ERC1: variants seen among roughly 807,000 people sequenced by gnomAD.
ERC1 encodes ELKS/RAB6-interacting/CAST family member 1.
A neutral mutation model predicts 132.0 loss-of-function variants in ERC1; 56 were observed. The observed-to-expected ratio is 0.42, with a 90% CI of 0.34 to 0.53. The LOEUF (loss-of-function observed/expected upper bound fraction) is 0.53. Ranked by LOEUF, ERC1 falls within the 20% of genes least tolerant of loss-of-function variation. The pLI, the probability that ERC1 is intolerant of heterozygous loss-of-function variation, is 0.03. For synonymous variants in ERC1, 478 were observed against 476.1 expected (o/e 1.00, Z -0.05); for missense variants, 1,202 against 1,349.9 (o/e 0.89, Z 1.72).
At position 1,326,662 on chromosome 12, in the gene ERC1, T is replaced by G. The variant is rs571733837; in HGVS notation, c.2780+36650T>G. Among the ~76,000 whole-genome samples the G allele has an allele frequency of 2.0e-5, 3 of 151,990 alleles. No homozygotes were observed. The South Asian group carries it at 6.2e-4, about 32-fold the overall frequency. ...CCCTTGAGTTTTTGAAAGAAATTGC[T>G]TGTAAGGGCAAATGTTTTAGGTTGA... On this transcript the variant is annotated intron_variant, in intron 15 of 18. Transcript: ENST00000360905.
intron 2 of ERC1, among the ~76,000 whole-genome samples, chr12:1,045,035 C>T (rs189560540): frequency 1.7e-4 from 26 of 152,244 alleles, no homozygotes; most frequent in Non-Finnish European, 3.4e-4. Flanking sequence ...AAACTCTCCA[C>T]AAATAATTTA....
intron 17 of ERC1, among the ~76,000 whole-genome samples, chr12:1,420,037 G>A (rs1018753636): frequency 6.6e-6 from 1 of 151,968 alleles, no homozygotes; most frequent in African/African-American, 2.4e-5. Flanking sequence ...CTTGGGAACC[G>A]GGCTTATTTG....
chr12:1,412,268 A>G (rs994787468), intron 17 of ERC1, among the ~76,000 whole-genome samples: 6 of 152,234 alleles, frequency 3.9e-5, no homozygotes, highest in South Asian at 2.1e-4. Flanking sequence ...AACTTTTGAA[A>G]TTGACGATTT....
intron 4 of ERC1, among the ~76,000 whole-genome samples, chr12:1,109,846 G>A (rs1310655156): frequency 5.9e-5 from 9 of 152,252 alleles, no homozygotes; most frequent in Non-Finnish European, 1.2e-4. Flanking sequence ...TCAGGAGTTC[G>A]AGACCAGCCT....
chr12:1,489,977 G>T, intron 18 of ERC1, 116 bp from the exon 19 acceptor site: 1 of 1,146,190 alleles, frequency 8.7e-7, no homozygotes, highest in Non-Finnish European at 1.2e-6. Context: ...GGTTAATTTT[G>T]ATGCAGAGAG....
In ERC1 at chr12:1,263,152, A is replaced by C. The variant is rs748391395; in HGVS notation, c.2606A>C (p.Asn869Thr). The change falls in exon 14 of 19, where the codon AAT becomes ACT. Residue 869 changes from asparagine (N) to threonine (T), a missense_variant. Transcript: ENST00000360905. ...VLAQEESART[N>T]AEKQVEELLM... ...GCACAAGAGGAATCAGCCAGGACCAATGCTGAAAAACAGGTCTGCTATTTT... is the reference window on the plus strand; with the variant it reads ...GCACAAGAGGAATCAGCCAGGACCACTGCTGAAAAACAGGTCTGCTATTTT... 3.7e-6 allele frequency: 6 copies of C among 1,613,992 alleles called. No individual in the cohort carries two copies. The highest frequency in any genetic ancestry group is 5.1e-6 in the Non-Finnish European group (6 of 1,179,958).
At chr12:1,021,376 T>C (rs1966338740) in intron 1 of ERC1, among the ~76,000 whole-genome samples, 1 of 152,004 alleles carries the variant, frequency 6.6e-6, no homozygotes, top group East Asian at 1.9e-4. Flanking sequence ...TGTCTTCCAT[T>C]GGGACAAAGA....
chr12:1,345,187 C>CTTCTTTTTTTTTTTTT (rs1555368776), intron 15 of ERC1, among the ~76,000 whole-genome samples: 1 of 131,492 alleles, frequency 7.6e-6, no homozygotes, highest in African/African-American at 3.0e-5. Flanking sequence ...AATATTTCTT[C>CTTCTTTTTTTTTTTTT]TTTTTTTTTT....
chr12:1,058,876 C>T (rs915279612), intron 2 of ERC1, among the ~76,000 whole-genome samples: 2 of 150,262 alleles, frequency 1.3e-5, no homozygotes, highest in African/African-American at 4.9e-5. Context: ...ACTGAAACCT[C>T]AAACTCTTGG....
chr12:1,342,473 A>AC (rs1429851865), intron 15 of ERC1, among the ~76,000 whole-genome samples: 1 of 151,726 alleles, frequency 6.6e-6, no homozygotes, highest in Non-Finnish European at 1.5e-5. Flanking sequence ...TGTCTCAAAA[A>AC]AAAAAAAAAC....
chr12:1,296,010 G>GAAAAAAAA (rs77971645), intron 15 of ERC1, among the ~76,000 whole-genome samples: 10 of 90,486 alleles, frequency 1.1e-4, no homozygotes, highest in South Asian at 3.6e-4. Flanking sequence ...TGGTTTAACA[G>GAAAAAAAA]AAAAAAAAAA....
At chr12:1,371,177 G>C (rs2087180308) in intron 15 of ERC1, among the ~76,000 whole-genome samples, 1 of 137,574 alleles carries the variant, frequency 7.3e-6, no homozygotes, top group Non-Finnish European at 1.5e-5. Context: ...TATGCCCACT[G>C]ATGGGAACTC....
chr12:1,212,517 G>A (rs73025621), intron 12 of ERC1, among the ~76,000 whole-genome samples: 11,575 of 152,136 alleles, frequency 0.076, 617 homozygotes, highest in African/African-American at 0.13. Context: ...TTGAGAGCAC[G>A]AACAATTTTT....
At chr12:1,131,382 A>G (rs1302227772) in intron 7 of ERC1, among the ~76,000 whole-genome samples, 1 of 152,246 alleles carries the variant, frequency 6.6e-6, no homozygotes, top group African/African-American at 2.4e-5. Context: ...TATCCATGCA[A>G]CTAATTATTA....
chr12:1,405,146 T>TATAAATAAATAAATAAATAA lies in ERC1; in HGVS notation c.2926-2987_2926-2968dup, dbSNP rs60222703. On this transcript the variant is annotated intron_variant, in intron 16 of 18. Transcript: ENST00000360905. Reference sequence around the variant, plus strand: ...GAGAACGAGACTCCGGCTCAAAAAATATAAATAAATAAATAAATAAATAAA... The same window carrying TATAAATAAATAAATAAATAA: ...GAGAACGAGACTCCGGCTCAAAAAATATAAATAAATAAATAAATAAATAAATAAATAAATAAATAAATAAA... Among the ~76,000 whole-genome samples, 324 of 142,202 alleles carry TATAAATAAATAAATAAATAA rather than the reference T, an allele frequency of 2.3e-3. 2 individuals are homozygous for TATAAATAAATAAATAAATAA. The highest frequency in any genetic ancestry group is 5.5e-3 in the African/African-American group (207 of 37,788). The allele number at this position is 142,202 out of a possible 152,430, so 93.3% of individuals were successfully genotyped here.
At chr12:1,297,967 C>A (rs11830570) in intron 15 of ERC1, among the ~76,000 whole-genome samples, 1 of 151,880 alleles carries the variant, frequency 6.6e-6, no homozygotes, top group African/African-American at 2.4e-5. Context: ...TGACTCATGC[C>A]TGTGATCCCA....
At chr12:1,005,037 G>A (rs768574516) in intron 1 of ERC1, among the ~76,000 whole-genome samples, 2 of 152,140 alleles carry the variant, frequency 1.3e-5, no homozygotes, top group Non-Finnish European at 2.9e-5. Flanking sequence ...CAGATGCCAC[G>A]TAGGTGACTT....
At chr12:1,260,991 C>T (rs555209244) in intron 13 of ERC1, among the ~76,000 whole-genome samples, 2 of 152,174 alleles carry the variant, frequency 1.3e-5, no homozygotes, top group African/African-American at 4.8e-5. Flanking sequence ...ATGGAGTACA[C>T]TCTGGTTTCA....
chr12:1,179,103 T>C (rs1954069877), intron 8 of ERC1, among the ~76,000 whole-genome samples: 1 of 152,210 alleles, frequency 6.6e-6, no homozygotes, highest in Admixed American at 6.5e-5. Context: ...TGAGTCTCCT[T>C]GTACTTGAGT....
Sources: allele counts gnomAD v4.1 joint callset (sites outside exome capture counted in the v4.1 genomes callset), GRCh38; gene constraint gnomAD v4.1.1; transcripts MANE v1.5; gene names NCBI Gene and HGNC (gene_info 2026-07-23, HGNC 2026-07-21).